Variants in KCNMA1 observed in about 807,000 individuals in gnomAD.
KCNMA1 encodes the protein Calcium-activated potassium channel subunit alpha-1.
A neutral mutation model predicts 140.0 loss-of-function variants in KCNMA1; 29 were observed. The observed-to-expected ratio is 0.21, with a 90% confidence interval of 0.15 to 0.28. The LOEUF (loss-of-function observed/expected upper bound fraction) is 0.28, where lower values mean the gene tolerates loss of function less well. KCNMA1 is among the 10% of genes least tolerant of loss of function. The pLI is 1.00. For synonymous variants in KCNMA1, 612 were observed against 611.9 expected, an observed-to-expected ratio of 1.00 and a Z score of 0.00; for missense variants, 880 against 1,602.2, an observed-to-expected ratio of 0.55 and a Z score of 7.70.
chr10:76,886,556 A>G lies in KCNMA1; in HGVS notation c.*710T>C. The G allele has an allele frequency of 1.0e-6, 1 of 985,920 alleles. No homozygotes were observed. Among genetic ancestry groups the G allele is most frequent in the Non-Finnish European group, 1.2e-6 (1 of 830,296 alleles). 61.1% of individuals were successfully genotyped at this position (985,920 alleles called of 1,614,324 possible). A position where few individuals can be genotyped will look rare whatever the true frequency, so the allele number is the denominator to read the frequency against. On this transcript the variant is annotated 3_prime_UTR_variant, in exon 28 of 28. Transcript: ENST00000286628. ...TTGATACATCCATGATTGGAATACT[A>G]TTCTCTCCTCCATATTAAGGTGAGA... is the stretch of plus-strand genomic sequence containing the variant.
chr10:77,120,126 A>G (rs1220266847), intron 6 of KCNMA1, among the ~76,000 whole-genome samples: 1 of 152,234 alleles, frequency 6.6e-6, no homozygotes, highest in East Asian at 1.9e-4. Context: ...AAGGGCAACC[A>G]AAGAGGAAAT....
At chr10:77,211,622 A>G (rs1371297219) in intron 3 of KCNMA1, among the ~76,000 whole-genome samples, 2 of 152,220 alleles carry the variant, frequency 1.3e-5, no homozygotes, top group Admixed American at 6.5e-5. Context: ...ATTAAACTAA[A>G]GAGCTTTTGC....
At position 76,932,968 on chromosome 10, in the gene KCNMA1, T is replaced by C. The variant is rs535607518; in HGVS notation, c.2902+11805A>G. ...TGGGCCCTGGGTTGGTACTGTGTAA[T>C]AGTACATTCAGCGAGGCCAGTCAAA... On this transcript the variant is annotated intron_variant, in intron 23 of 27. Coordinates refer to ENST00000286628, the MANE Select transcript of KCNMA1 (RefSeq NM_001161352.2). Among the ~76,000 whole-genome samples the C allele has an allele frequency of 3.0e-4, 45 of 152,138 alleles. 1 individual carries two copies. The highest frequency in any genetic ancestry group is 1.3e-4 in the Non-Finnish European group (9 of 68,020).
chr10:77,142,203 T>C (rs111487006), intron 5 of KCNMA1, among the ~76,000 whole-genome samples: 633 of 151,160 alleles, frequency 4.2e-3, no homozygotes, highest in Middle Eastern at 6.8e-3. Flanking sequence ...CTGTCTCTAC[T>C]AAAAAATACA....
At chr10:77,350,202 A>T (rs1447360779) in intron 2 of KCNMA1, 2 of 152,258 alleles carry the variant, frequency 1.3e-5, no homozygotes, top group East Asian at 3.8e-4. Context: ...CCCAGCCTAC[A>T]TGCCCATTTC....
At chr10:76,945,773 C>T (rs1267331440) in intron 22 of KCNMA1, among the ~76,000 whole-genome samples, 1 of 149,264 alleles carries the variant, frequency 6.7e-6, no homozygotes, top group East Asian at 2.0e-4. Flanking sequence ...AAAAGTTCTA[C>T]AGCAGTTAAA....
intron 1 of KCNMA1, among the ~76,000 whole-genome samples, chr10:77,499,436 TACACACACACACACACAC>T (rs10672811): frequency 1.4e-5 from 2 of 142,904 alleles, no homozygotes; most frequent in African/African-American, 2.6e-5. Context: ...CACACACACA[TACACACACACACACACAC>T]ACATATATAT....
chr10:77,212,428 T>C (rs866619184), intron 3 of KCNMA1, among the ~76,000 whole-genome samples: 42 of 151,986 alleles, frequency 2.8e-4, no homozygotes, highest in Admixed American at 1.2e-3. Flanking sequence ...ATGGGAACAA[T>C]ATATACTATG....
At chr10:77,292,309 T>C (rs1190984408) in intron 2 of KCNMA1, among the ~76,000 whole-genome samples, 1 of 152,204 alleles carries the variant, frequency 6.6e-6, no homozygotes, top group Non-Finnish European at 1.5e-5. Flanking sequence ...GAGTGGTGCG[T>C]TCCATTAATT....
At chr10:77,128,445 G>A (rs917330830) in intron 5 of KCNMA1, among the ~76,000 whole-genome samples, 4 of 143,622 alleles carry the variant, frequency 2.8e-5, no homozygotes, top group African/African-American at 7.9e-5. Flanking sequence ...TGTACTTTTG[G>A]GGCACTGGTT....
intron 9 of KCNMA1, among the ~76,000 whole-genome samples, chr10:77,092,664 C>A (rs547697759): frequency 1.3e-5 from 2 of 152,316 alleles, no homozygotes; most frequent in South Asian, 4.1e-4. Context: ...GAGGTTAATA[C>A]CACCCAGCCG....
At chr10:77,601,132 G>A (rs2082507399) in intron 1 of KCNMA1, among the ~76,000 whole-genome samples, 1 of 152,142 alleles carries the variant, frequency 6.6e-6, no homozygotes, top group Non-Finnish European at 1.5e-5. Context: ...TGCCACCTTT[G>A]CAAAATGTAT....
chr10:77,306,651 T>TA (rs1294993985), intron 2 of KCNMA1, among the ~76,000 whole-genome samples: 1 of 152,234 alleles, frequency 6.6e-6, no homozygotes, highest in African/African-American at 2.4e-5. Flanking sequence ...AGAAAGATTC[T>TA]ACCAGCCGCA....
chr10:77,206,654 G>A (rs1274629966), intron 3 of KCNMA1, among the ~76,000 whole-genome samples: 2 of 152,048 alleles, frequency 1.3e-5, no homozygotes, highest in Non-Finnish European at 2.9e-5. Context: ...ATCTCCACTG[G>A]AATGCAAGGC....
intron 8 of KCNMA1, 130 bp downstream of exon 8, chr10:77,110,043 A>G: frequency 1.2e-6 from 1 of 823,602 alleles, no homozygotes; most frequent in Non-Finnish European, 2.1e-6. Context: ...GGATTTACTT[A>G]GCCTGATTGT....
intron 1 of KCNMA1, among the ~76,000 whole-genome samples, chr10:77,457,062 A>G (rs2097773052): frequency 6.6e-6 from 1 of 152,208 alleles, no homozygotes; most frequent in Non-Finnish European, 1.5e-5. Context: ...GTGCTTACAT[A>G]GAGACAAAAT....
At chr10:76,900,896 T>TAAA (rs5786248) in intron 25 of KCNMA1, among the ~76,000 whole-genome samples, 2,095 of 146,250 alleles carry the variant, frequency 0.014, 42 homozygotes, top group African/African-American at 0.045. Context: ...CCCTATTTGT[T>TAAA]AAAAAAAAAA....
chr10:77,471,057 C>G (rs2098136936), intron 1 of KCNMA1, among the ~76,000 whole-genome samples: 1 of 151,636 alleles, frequency 6.6e-6, no homozygotes, highest in Non-Finnish European at 1.5e-5. Context: ...ACATACATAA[C>G]ACAACTCATA....
rs539628085 is a variant in KCNMA1 at position 77,403,922 on chromosome 10, G to A, written c.480C>T (p.Thr160=). 1 of 1,614,194 alleles carries A rather than the reference G, an allele frequency of 6.2e-7. No individual in the cohort carries two copies. The highest frequency in any genetic ancestry group is 1.1e-5 in the South Asian group (1 of 91,084). Residue 160 remains threonine (T), a synonymous_variant, in exon 2 of 28, where the codon ACC becomes ACT. Transcript: ENST00000286628. ...EAVAAEVGWM[T]SVKDWAGVMI... is the part of the protein sequence containing the mutation. ...TCACCCCCGCCCAGTCCTTCACGGA[G>A]GTCATCCAGCCGACCTCGGCGGCCA...
Sources: allele counts gnomAD v4.1 joint callset (sites outside exome capture counted in the v4.1 genomes callset), GRCh38; gene constraint gnomAD v4.1.1; transcripts MANE v1.5; gene names NCBI Gene and HGNC (gene_info 2026-07-23, HGNC 2026-07-21).